The following RADIL variants were observed in gnomAD, a reference collection of about 807,000 sequenced individuals.
RADIL encodes the protein Rap associating with DIL domain.
A neutral mutation model predicts 97.6 loss-of-function variants in RADIL; 99 were observed. That is an observed-to-expected ratio of 1.01 (90% CI 0.86 to 1.20). The LOEUF is 1.20. Ranked by LOEUF, RADIL falls within the 50% of genes most tolerant of loss-of-function variation. The probability of loss-of-function intolerance (pLI) is 0.00; values close to 1 mark genes in which losing one functional copy is unlikely to be tolerated. For missense variants in RADIL, 1,765 were observed against 1,498.9 expected, an observed-to-expected ratio of 1.18 and a Z score of -2.93; for synonymous variants, 803 against 691.8, an observed-to-expected ratio of 1.16 and a Z score of -2.52.
chr7:4,861,337 G>T, intron 2 of RADIL: 1 of 1,614,008 alleles, frequency 6.2e-7, no homozygotes, highest in African/African-American at 1.3e-5. Flanking sequence ...AACACAGTTT[G>T]ATAACTGGCA....
At chr7:4,808,713 C>T in intron 9 of RADIL, 1 of 966,886 alleles carries the variant, frequency 1.0e-6, no homozygotes, top group Non-Finnish European at 1.2e-6. Flanking sequence ...CCCTCCGTTT[C>T]TCCTTCCAAC....
rs1337238529 is a variant in RADIL at position 4,880,143 on chromosome 7, G to A, written c.-64-1940C>T. On this transcript the variant is annotated intron_variant, in intron 1 of 14. Transcript: ENST00000399583. This position sits in a 1 kb window ranked among gnomAD's most constrained non-coding sequence, Gnocchi z 4.5. ...TGAAGAGGTGAATTTGCTGTAACAGGTCACGGAGTTCCCAGTACAGGTCAT... is the reference window on the plus strand; with the variant it reads ...TGAAGAGGTGAATTTGCTGTAACAGATCACGGAGTTCCCAGTACAGGTCAT... Among the ~76,000 whole-genome samples, 4 of 152,112 alleles carry A rather than the reference G, an allele frequency of 2.6e-5. No homozygotes were observed. The South Asian group carries it at 6.2e-4, about 24-fold the overall frequency.
intron 6 of RADIL, among the ~76,000 whole-genome samples, chr7:4,820,692 T>TC (rs1471087595): frequency 6.6e-6 from 1 of 151,990 alleles, no homozygotes; most frequent in Non-Finnish European, 1.5e-5. Context: ...CGGCTCTGCC[T>TC]CCCCCAGGAG....
intron 10 of RADIL, chr7:4,805,289 T>C: frequency 2.5e-6 from 1 of 403,422 alleles, no homozygotes; most frequent in Non-Finnish European, 4.4e-6. Flanking sequence ...TCCGGCTCCG[T>C]GAGGGAACGA....
chr7:4,809,746 G>T, intron 9 of RADIL: 1 of 596,630 alleles, frequency 1.7e-6, no homozygotes, highest in Non-Finnish European at 2.1e-6. Flanking sequence ...GCAGTGGCGT[G>T]ATCTCGGCTC....
Position 4,840,649 on chromosome 7 carries a change from T to C in RADIL, c.536-4044A>G, listed in dbSNP as rs1783416042. On this transcript the variant is annotated intron_variant, in intron 2 of 14. Transcript: ENST00000399583. This position sits in a 1 kb window ranked among gnomAD's most constrained non-coding sequence, Gnocchi z 5.6. ...GGAGATTCCGCCAACATGAAATAAGTTCAGTGAGAAATACATCATCAAGAA... is the reference window on the plus strand; with the variant it reads ...GGAGATTCCGCCAACATGAAATAAGCTCAGTGAGAAATACATCATCAAGAA... Among the ~76,000 whole-genome samples, 1 of 152,114 alleles carries C rather than the reference T, an allele frequency of 6.6e-6. No homozygotes were observed. Among genetic ancestry groups the C allele is most frequent in the East Asian group, 1.9e-4 (1 of 5,178 alleles).
At chr7:4,859,334 T>C (rs953137550) in intron 2 of RADIL, 2 of 152,996 alleles carry the variant, frequency 1.3e-5, no homozygotes, top group African/African-American at 4.8e-5. Context: ...CCAGTTTGTA[T>C]TGCATATTTT....
Position 4,800,246 on chromosome 7 carries a change from C to A in RADIL, c.2907G>T (p.Glu969Asp). The A allele has an allele frequency of 6.3e-7, 1 of 1,587,168 alleles. No individual in the cohort carries two copies. Among genetic ancestry groups the A allele is most frequent in the South Asian group, 1.2e-5 (1 of 86,486 alleles). Residue 969 changes from glutamate (E) to aspartate (D), a missense_variant, in exon 13 of 15, where the codon GAG (glutamate) becomes GAT (aspartate). By Grantham distance (45) the Glu-to-Asp change is conservative (BLOSUM62 2). Transcript: ENST00000399583. ...CCACCGTGAAGACGTAGCAGAAGTC[C>A]TCGGTGCTGGAGCTGCGGCTGGACG... ...PAPSSRSSSTEDFCYVFTVEL... is the reference protein window; with the variant it reads ...PAPSSRSSSTDDFCYVFTVEL...
chr7:4,862,460 A>T lies in RADIL; in HGVS notation c.535+15145T>A, dbSNP rs1052230541. ...GTTCTGGCCATGCTTTAAGGGCGCGATACTGCTGTCCTCTGGTTCCCGTTG... is the reference window on the plus strand; with the variant it reads ...GTTCTGGCCATGCTTTAAGGGCGCGTTACTGCTGTCCTCTGGTTCCCGTTG... On this transcript the variant is annotated intron_variant, in intron 2 of 14. Transcript: ENST00000399583. 3.3e-5 allele frequency among the ~76,000 whole-genome samples: 5 copies of T among 152,318 alleles called. 1 individual carries two copies. The South Asian group carries it at 6.2e-4, about 19-fold the overall frequency.
intron 11 of RADIL, among the ~76,000 whole-genome samples, chr7:4,803,178 G>A (rs1290667082): frequency 1.6e-5 from 1 of 61,896 alleles, no homozygotes; most frequent in Non-Finnish European, 2.8e-5. Context: ...CTCGGGGCAC[G>A]CTGGCTGGGG....
intron 11 of RADIL, among the ~76,000 whole-genome samples, chr7:4,802,901 GGGCA>G (rs1471530261): frequency 1.2e-4 from 14 of 118,200 alleles, no homozygotes; most frequent in African/African-American, 4.6e-4. Context: ...CCCCCTCCCC[GGGCA>G]CCTCGGGGAA....
intron 2 of RADIL, chr7:4,860,694 T>G (rs1361861770): frequency 6.2e-7 from 1 of 1,614,088 alleles, no homozygotes; most frequent in Non-Finnish European, 8.5e-7. Flanking sequence ...ATATAATGCT[T>G]GTACTTTTGA....
Position 4,836,704 on chromosome 7 carries a change from G to A in RADIL, c.536-99C>T, listed in dbSNP as rs565447529. ...TGTAATCCCAGCACTTTGGGAGGCC[G>A]AGGTGGGGGGATCGCCTGAGGTCAG... On this transcript the variant is annotated intron_variant, in intron 2 of 14. Transcript: ENST00000399583. 2.5e-4 allele frequency: 377 copies of A among 1,487,696 alleles called. 4 individuals carry two copies. The South Asian group carries it at 3.7e-3, about 15-fold the overall frequency. 92.2% of individuals were successfully genotyped at this position (1,487,696 alleles called of 1,614,324 possible).
intron 5 of RADIL, among the ~76,000 whole-genome samples, chr7:4,831,873 C>CA (rs1562441536): frequency 6.6e-6 from 1 of 151,600 alleles, no homozygotes; most frequent in Non-Finnish European, 1.5e-5. Context: ...GGCGATAGAG[C>CA]AAACAAAACA....
intron 5 of RADIL, among the ~76,000 whole-genome samples, chr7:4,828,271 C>T (rs1783051185): frequency 6.6e-6 from 1 of 152,176 alleles, no homozygotes; most frequent in African/African-American, 2.4e-5. Flanking sequence ...CAGCCTGGGC[C>T]AACATAGTGA....
At chr7:4,860,232 A>C in intron 2 of RADIL, 1 of 1,614,028 alleles carries the variant, frequency 6.2e-7, no homozygotes. Context: ...CAGCCTGCAG[A>C]CAAGTCAAAG....
Position 4,822,500 on chromosome 7 carries a change from C to T in RADIL, c.1509G>A (p.Leu503=). 6.2e-7 allele frequency: 1 copy of T among 1,613,100 alleles called. No homozygotes were observed. Among genetic ancestry groups the T allele is most frequent in the East Asian group, 2.2e-5 (1 of 44,880 alleles). ...TAGACATCCAGAAAAGAATGGGCTG[C>T]AAGTCTGGAACCAGATCAGCCATGG... ...SCAMADLVPD[L]QPILFWMSNS... is the part of the protein sequence containing the mutation. Residue 503 remains leucine (L), a synonymous_variant, in exon 6 of 15, where the codon TTG becomes TTA. Coordinates refer to ENST00000399583, the MANE Select transcript of RADIL (RefSeq NM_018059.5). This position sits in a 1 kb window ranked among gnomAD's most constrained non-coding sequence, Gnocchi z 5.3.
rs1431445675 is a variant in RADIL, at chr7:4,883,398, G to A, written c.-65+198C>T. On this transcript the variant is annotated intron_variant, in intron 1 of 14. Transcript: ENST00000399583. This position sits in a 1 kb window ranked among gnomAD's most constrained non-coding sequence, Gnocchi z 7.1. The stretch of plus-strand genomic sequence containing the variant: ...GCCGGCCTCCGGGTACCGCCCCCCG[G>A]TCCAGGCCGGGGCCCGACAGCCAGT... Among the ~76,000 whole-genome samples the A allele has an allele frequency of 6.6e-6, 1 of 152,058 alleles. No homozygotes were observed. Among genetic ancestry groups the A allele is most frequent in the Admixed American group, 6.5e-5 (1 of 15,272 alleles).
chr7:4,809,556 G>A, intron 9 of RADIL: 1 of 985,438 alleles, frequency 1.0e-6, no homozygotes, highest in Non-Finnish European at 1.2e-6. Context: ...GCCCGCCCAG[G>A]CACCACGGCA....
Sources: gnomAD v4.1 joint callset for allele counts (sites outside exome capture counted in the v4.1 genomes callset) on GRCh38, gnomAD v4.1.1 for gene constraint, Gnocchi (gnomAD v3.1) non-coding constraint, MANE v1.5 for transcripts, NCBI Gene and HGNC (gene_info 2026-07-23, HGNC 2026-07-21) for gene names.